Variants in MEMO1 observed in about 807,000 individuals in gnomAD.
The protein encoded by MEMO1 is mediator of cell motility 1, also known as protein MEMO1.
Under a neutral mutation model 45.2 loss-of-function variants are expected in MEMO1, and 6 were observed. The ratio of observed to expected loss-of-function variants is 0.13; its 90% CI spans 0.07 to 0.26. The LOEUF (loss-of-function observed/expected upper bound fraction) is 0.26, where lower values mean the gene tolerates loss of function less well. Ranked by LOEUF, MEMO1 falls within the 10% of genes least tolerant of loss-of-function variation. MEMO1 has a pLI of 1.00. For synonymous variants in MEMO1, 78 were observed against 124.3 expected, an observed-to-expected ratio of 0.63 and a Z score of 2.48; for missense variants, 184 against 370.5, an observed-to-expected ratio of 0.50 and a Z score of 4.13.
intron 2 of MEMO1, among the ~76,000 whole-genome samples, chr2:31,981,035 C>T (rs988475397): frequency 6.6e-6 from 1 of 152,190 alleles, no homozygotes; most frequent in East Asian, 1.9e-4. Context: ...AATAGTCAAT[C>T]GTACACCAAT....
chr2:31,871,435 C>A (rs1003849125), intron 8 of MEMO1, among the ~76,000 whole-genome samples: 11 of 151,912 alleles, frequency 7.2e-5, no homozygotes, highest in Non-Finnish European at 1.3e-4. Context: ...AAATTTAATT[C>A]TATAAAAAAA....
intron 9 of MEMO1, 149 bp from the exon 10 acceptor site, chr2:31,868,641 T>C (rs1572513490): frequency 2.9e-6 from 2 of 683,248 alleles, no homozygotes; most frequent in Non-Finnish European, 2.1e-6. Flanking sequence ...TGTTGCATCA[T>C]ATTAAAATAG....
chr2:31,904,011 A>C (rs1174935612), intron 6 of MEMO1, among the ~76,000 whole-genome samples: 1 of 152,234 alleles, frequency 6.6e-6, no homozygotes, highest in Non-Finnish European at 1.5e-5. Flanking sequence ...ATCAGAAAGG[A>C]AAGTAAAAAT....
chr2:31,900,570 T>C (rs1678633972), intron 6 of MEMO1, among the ~76,000 whole-genome samples: 2 of 152,060 alleles, frequency 1.3e-5, no homozygotes. Flanking sequence ...TTAGAAGAGA[T>C]ATCTAATGTA....
At chr2:31,899,092 T>C (rs1678355387) in intron 6 of MEMO1, among the ~76,000 whole-genome samples, 1 of 152,172 alleles carries the variant, frequency 6.6e-6, no homozygotes, top group Non-Finnish European at 1.5e-5. Flanking sequence ...ATTAATATAG[T>C]GAAAACAGCC....
chr2:31,962,500 A>C (rs1329837217), intron 2 of MEMO1, among the ~76,000 whole-genome samples: 3 of 152,186 alleles, frequency 2.0e-5, no homozygotes. Flanking sequence ...TGCTTCTCTC[A>C]AGTACTTTAT....
In MEMO1 at chr2:31,999,591, G is replaced by A. The variant is rs576736417; in HGVS notation, c.61+10596C>T. ...AGATTGAGGTGGCAAGATCGCTTGAGCACGGGAGGTTAAGGTTTCAATGAG... is the reference window on the plus strand; with the variant it reads ...AGATTGAGGTGGCAAGATCGCTTGAACACGGGAGGTTAAGGTTTCAATGAG... On this transcript the variant is annotated intron_variant, in intron 2 of 9. Coordinates refer to ENST00000404530, the MANE Select transcript of MEMO1 (RefSeq NM_001301833.4). Among the ~76,000 whole-genome samples the A allele has an allele frequency of 1.8e-4, 28 of 152,238 alleles. No homozygotes were observed. The South Asian group carries it at 5.8e-3, about 32-fold the overall frequency.
At chr2:31,875,863 T>G (rs150411292) in intron 8 of MEMO1, among the ~76,000 whole-genome samples, 445 of 152,098 alleles carry the variant, frequency 2.9e-3, no homozygotes, top group African/African-American at 9.9e-3. Flanking sequence ...ATTTTTGTAT[T>G]TTTAGGAGAA....
At chr2:31,953,086 C>G (rs1667013109) in intron 2 of MEMO1, among the ~76,000 whole-genome samples, 1 of 152,064 alleles carries the variant, frequency 6.6e-6, no homozygotes, top group African/African-American at 2.4e-5. Context: ...AAGATTATTT[C>G]TGGCCGGCAC....
chr2:31,958,130 T>TA (rs1667611295), intron 2 of MEMO1, among the ~76,000 whole-genome samples: 1 of 151,992 alleles, frequency 6.6e-6, no homozygotes, highest in Non-Finnish European at 1.5e-5. Flanking sequence ...CCCATCACAA[T>TA]AAAAGACTTT....
intron 2 of MEMO1, among the ~76,000 whole-genome samples, chr2:31,985,630 T>C (rs1427225076): frequency 6.6e-6 from 1 of 151,842 alleles, no homozygotes; most frequent in East Asian, 1.9e-4. Flanking sequence ...CCAGCCTACA[T>C]ACTTATTTTC....
intron 2 of MEMO1, among the ~76,000 whole-genome samples, chr2:31,951,964 G>T (rs1049172008): frequency 6.6e-6 from 1 of 152,008 alleles, no homozygotes; most frequent in Non-Finnish European, 1.5e-5. Flanking sequence ...CCTATTTTTA[G>T]ATATATCTCA....
At chr2:31,912,119 G>A (rs1415721464) in intron 6 of MEMO1, among the ~76,000 whole-genome samples, 2 of 152,094 alleles carry the variant, frequency 1.3e-5, no homozygotes, top group African/African-American at 4.8e-5. Context: ...TGGATCACTT[G>A]AGGTCAGGAG....
chr2:31,982,588 CAAAAAAAAA>C (rs60208602), intron 2 of MEMO1, among the ~76,000 whole-genome samples: 1 of 70,104 alleles, frequency 1.4e-5, no homozygotes, highest in African/African-American at 4.8e-5. Context: ...GACTCCGTCT[CAAAAAAAAA>C]AAAAAAAAAA....
At chr2:31,978,216 A>G (rs542822849) in intron 2 of MEMO1, among the ~76,000 whole-genome samples, 78 of 152,160 alleles carry the variant, frequency 5.1e-4, no homozygotes, top group African/African-American at 1.8e-3. Context: ...GTCAAACTCC[A>G]TCTCTACTAA....
chr2:31,873,386 G>A (rs538063252), intron 8 of MEMO1, among the ~76,000 whole-genome samples: 46 of 152,030 alleles, frequency 3.0e-4, no homozygotes, highest in Non-Finnish European at 5.7e-4. Context: ...AAATTTAGGG[G>A]GTGAGCCAGT....
intron 3 of MEMO1, among the ~76,000 whole-genome samples, chr2:31,941,540 G>A (rs1463447331): frequency 1.3e-5 from 2 of 152,156 alleles, no homozygotes; most frequent in African/African-American, 4.8e-5. Context: ...AGTACCACAA[G>A]AGTGGCAACT....
At chr2:32,006,372 C>A (rs913740461) in intron 2 of MEMO1, among the ~76,000 whole-genome samples, 3 of 152,150 alleles carry the variant, frequency 2.0e-5, no homozygotes, top group Non-Finnish European at 2.9e-5. Flanking sequence ...CTGGAGAAAA[C>A]AGACTACATT....
intron 2 of MEMO1, among the ~76,000 whole-genome samples, chr2:31,999,232 T>C (rs1054984347): frequency 2.0e-5 from 3 of 152,192 alleles, no homozygotes; most frequent in African/African-American, 7.2e-5. Context: ...TCTCCCTGGT[T>C]CTGCCCTTGC....
Sources: allele counts gnomAD v4.1 joint callset (sites outside exome capture counted in the v4.1 genomes callset), GRCh38; gene constraint gnomAD v4.1.1; transcripts MANE v1.5; gene names NCBI Gene and HGNC (gene_info 2026-07-23, HGNC 2026-07-21).